SGCZ: variants seen among roughly 807,000 people sequenced by gnomAD.
SGCZ encodes zeta-sarcoglycan.
In SGCZ, 40 loss-of-function variants were observed where a neutral mutation model predicts 41.3. The ratio of observed to expected loss-of-function variants is 0.97; its 90% CI spans 0.75 to 1.26. The LOEUF (loss-of-function observed/expected upper bound fraction) is 1.26, where lower values mean the gene tolerates loss of function less well. Ranked by LOEUF, SGCZ falls within the 50% of genes most tolerant of loss-of-function variation. The probability of loss-of-function intolerance (pLI) is 0.00; values close to 1 mark genes in which losing one functional copy is unlikely to be tolerated. For missense variants in SGCZ, 552 were observed against 369.8 expected (o/e 1.49, Z -4.04); for synonymous variants, 206 against 137.5 (o/e 1.50, Z -3.49).
chr8:14,440,531 AAAAT>A (rs1489673198), intron 2 of SGCZ, among the ~76,000 whole-genome samples: 1 of 152,110 alleles, frequency 6.6e-6, no homozygotes, highest in African/African-American at 2.4e-5. Context: ...TTTTAAGAGA[AAAAT>A]AAAATCATCA....
At chr8:14,377,193 T>A (rs1241190999) in intron 2 of SGCZ, among the ~76,000 whole-genome samples, 1 of 152,132 alleles carries the variant, frequency 6.6e-6, no homozygotes, top group African/African-American at 2.4e-5. Context: ...TGAGATTGAG[T>A]AATCACCAAG....
At chr8:14,191,098 T>A (rs1805087223) in intron 4 of SGCZ, among the ~76,000 whole-genome samples, 1 of 152,228 alleles carries the variant, frequency 6.6e-6, no homozygotes, top group South Asian at 2.1e-4. Context: ...TCTTTACTGA[T>A]ATTGAATACC....
At chr8:14,467,563 G>A (rs539708466) in intron 2 of SGCZ, among the ~76,000 whole-genome samples, 7 of 152,164 alleles carry the variant, frequency 4.6e-5, no homozygotes, top group Middle Eastern at 3.4e-3. Context: ...ACTGTGCTAC[G>A]AGGAGCAATC....
intron 3 of SGCZ, among the ~76,000 whole-genome samples, chr8:14,316,132 T>G (rs1353507282): frequency 6.6e-6 from 1 of 151,904 alleles, no homozygotes; most frequent in Non-Finnish European, 1.5e-5. Context: ...AGTAATCCTA[T>G]GTTATTAAAA....
chr8:14,870,204 G>C lies in SGCZ; in HGVS notation c.40-315278C>G, dbSNP rs144910213. Among the ~76,000 whole-genome samples the C allele has an allele frequency of 2.0e-5, 3 of 152,136 alleles. No homozygotes were observed. The East Asian group carries it at 5.8e-4, about 29-fold the overall frequency. ...AAGGCTATGGTAACCAAAACAGTAC[G>C]GTACTAGTACCAGAACAGATAGATA... On this transcript the variant is annotated intron_variant, in intron 1 of 7. Transcript: ENST00000382080.
chr8:14,534,523 A>AT (rs1203878478), intron 2 of SGCZ, among the ~76,000 whole-genome samples: 2 of 151,992 alleles, frequency 1.3e-5, no homozygotes, highest in Non-Finnish European at 2.9e-5. Context: ...TATGAGGAGC[A>AT]TTTTACAGGC....
chr8:14,536,911 A>G (rs1032874240), intron 2 of SGCZ, among the ~76,000 whole-genome samples: 1 of 151,968 alleles, frequency 6.6e-6, no homozygotes, highest in Non-Finnish European at 1.5e-5. Context: ...CATTTTCATC[A>G]CTAGGAAGCT....
intron 1 of SGCZ, among the ~76,000 whole-genome samples, chr8:14,924,931 C>T (rs1585383623): frequency 6.7e-6 from 1 of 148,292 alleles, no homozygotes; most frequent in Non-Finnish European, 1.5e-5. Context: ...CATCTCAGCT[C>T]ACTGCAACCT....
chr8:14,817,397 T>G (rs1801940585), intron 1 of SGCZ, among the ~76,000 whole-genome samples: 1 of 152,130 alleles, frequency 6.6e-6, no homozygotes, highest in African/African-American at 2.4e-5. Flanking sequence ...TGAATCCAGT[T>G]TGAAGAGTAG....
In SGCZ at chr8:14,794,858, A is replaced by G. The variant is rs868209299; in HGVS notation, c.40-239932T>C. Among the ~76,000 whole-genome samples, 10 of 152,360 alleles carry G rather than the reference A, an allele frequency of 6.6e-5. No homozygotes were observed. The South Asian group carries it at 1.0e-3, about 16-fold the overall frequency. On this transcript the variant is annotated intron_variant, in intron 1 of 7. Coordinates refer to ENST00000382080, the MANE Select transcript of SGCZ (RefSeq NM_139167.4). ...GATTTCTGAACAGGAACACTACAGC[A>G]TCTCTACTATTGAGTCAAGAAATGC... is the stretch of plus-strand genomic sequence containing the variant.
chr8:14,763,879 G>A (rs1300129618), intron 1 of SGCZ, among the ~76,000 whole-genome samples: 1 of 152,170 alleles, frequency 6.6e-6, no homozygotes, highest in African/African-American at 2.4e-5. Context: ...TTCTCTATGG[G>A]AGCAAAAAGA....
At chr8:14,129,333 G>A (rs7827208) in intron 5 of SGCZ, among the ~76,000 whole-genome samples, 2,974 of 113,240 alleles carry the variant, frequency 0.026, 47 homozygotes, top group Admixed American at 0.038. Context: ...GTGACAGAGC[G>A]AGACTCCGTC....
chr8:14,812,999 A>G (rs934559641), intron 1 of SGCZ, among the ~76,000 whole-genome samples: 1 of 152,194 alleles, frequency 6.6e-6, no homozygotes, highest in African/African-American at 2.4e-5. Context: ...GTTATATCTC[A>G]GTAAATCTGA....
intron 2 of SGCZ, among the ~76,000 whole-genome samples, chr8:14,510,182 T>C (rs1443568442): frequency 6.6e-6 from 1 of 152,094 alleles, no homozygotes; most frequent in African/African-American, 2.4e-5. Context: ...ACCTAATAAG[T>C]TTTGAGTTTA....
chr8:15,023,581 C>G (rs576450307), intron 1 of SGCZ, among the ~76,000 whole-genome samples: 1 of 152,152 alleles, frequency 6.6e-6, no homozygotes, highest in Non-Finnish European at 1.5e-5. Context: ...AAAATATGTA[C>G]AGCAATTAAA....
intron 1 of SGCZ, among the ~76,000 whole-genome samples, chr8:14,863,799 A>G (rs1039243478): frequency 1.3e-5 from 2 of 152,128 alleles, no homozygotes; most frequent in Non-Finnish European, 2.9e-5. Flanking sequence ...TATCCACATC[A>G]TGTGAAGACT....
intron 1 of SGCZ, among the ~76,000 whole-genome samples, chr8:15,232,546 G>C (rs1801977695): frequency 6.6e-6 from 1 of 151,524 alleles, no homozygotes; most frequent in Non-Finnish European, 1.5e-5. Flanking sequence ...AATGGCATAA[G>C]TGATGTTTCC....
chr8:14,612,251 T>C (rs35233779), intron 1 of SGCZ, among the ~76,000 whole-genome samples: 1 of 101,106 alleles, frequency 9.9e-6, no homozygotes, highest in East Asian at 2.3e-4. Context: ...GATTGGATCA[T>C]GGGGTCAGTC....
At chr8:15,228,063 G>A (rs1354996224) in intron 1 of SGCZ, among the ~76,000 whole-genome samples, 4 of 152,130 alleles carry the variant, frequency 2.6e-5, no homozygotes, top group East Asian at 3.9e-4. Flanking sequence ...AAAAAAAGTC[G>A]ATACTTGCAG....
Sources: allele counts gnomAD v4.1 joint callset (sites outside exome capture counted in the v4.1 genomes callset), GRCh38; gene constraint gnomAD v4.1.1; transcripts MANE v1.5; gene names NCBI Gene and HGNC (gene_info 2026-07-23, HGNC 2026-07-21).